KLRK1: variants seen among roughly 807,000 people sequenced by gnomAD.
KLRK1 encodes the protein killer cell lectin like receptor K1.
In KLRK1, 40 loss-of-function variants were observed where a neutral mutation model predicts 31.3. The observed-to-expected ratio is 1.28, with a 90% CI of 0.99 to 1.67. The LOEUF is 1.67. Among genes scored for constraint, KLRK1 ranks in the 40% most tolerant of loss-of-function variants. The pLI is 0.00. For missense variants in KLRK1, 251 were observed against 260.0 expected (o/e 0.97, Z 0.24); for synonymous variants, 77 against 77.3 (o/e 1.00, Z 0.02).
chr12:10,373,391 C>T (rs1862899211), intron 7 of KLRK1, among the ~76,000 whole-genome samples, 160 bp from the exon 8 acceptor site: 1 of 152,140 alleles, frequency 6.6e-6, no homozygotes, highest in Non-Finnish European at 1.5e-5. Context: ...ATAGCCAACT[C>T]AGATAATAAA....
chr12:10,378,535 A>AT lies in KLRK1; in HGVS notation c.429+18dup. The stretch of plus-strand genomic sequence containing the variant: ...GTTAGGATTAAATACAGGATGGGAA[A>AT]TTAAAATAAATACTCAACCTGGTCC... On this transcript the variant is annotated intron_variant, in intron 6 of 7. Coordinates refer to ENST00000240618, the MANE Select transcript of KLRK1 (RefSeq NM_007360.4). The AT allele has an allele frequency of 6.2e-7, 1 of 1,607,694 alleles. No individual in the cohort carries two copies. Among genetic ancestry groups the AT allele is most frequent in the Non-Finnish European group, 8.5e-7 (1 of 1,178,766 alleles).
At chr12:10,380,171 T>C (rs1175833954) in intron 3 of KLRK1, among the ~76,000 whole-genome samples, 4 of 147,008 alleles carry the variant, frequency 2.7e-5, no homozygotes, top group African/African-American at 1.0e-4. Context: ...GTTCACGCCA[T>C]TCTCCTGCCT....
At chr12:10,384,670 C>T (rs11053781) in intron 3 of KLRK1, among the ~76,000 whole-genome samples, 62,573 of 151,822 alleles carry the variant, frequency 0.41, 14,011 homozygotes, top group East Asian at 0.54. Context: ...AGAAACACCA[C>T]AGGACATTAG....
At chr12:10,384,866 C>A (rs1183919914) in intron 3 of KLRK1, among the ~76,000 whole-genome samples, 1 of 151,922 alleles carries the variant, frequency 6.6e-6, no homozygotes, top group Non-Finnish European at 1.5e-5. Flanking sequence ...AGACCAATAT[C>A]CAGAATATAC....
intron 7 of KLRK1, among the ~76,000 whole-genome samples, chr12:10,374,917 G>T (rs1171053022): frequency 6.6e-6 from 1 of 152,094 alleles, no homozygotes; most frequent in East Asian, 1.9e-4. Flanking sequence ...TTTACTACAT[G>T]CATAAACAGA....
intron 7 of KLRK1, 141 bp downstream of exon 7, chr12:10,377,991 T>A: frequency 1.3e-6 from 1 of 794,916 alleles, no homozygotes; most frequent in Non-Finnish European, 2.0e-6. Context: ...TTCTCCCAAA[T>A]TTAGGGCCTA....
chr12:10,380,456 T>C (rs1173670938), intron 3 of KLRK1, among the ~76,000 whole-genome samples: 1 of 152,146 alleles, frequency 6.6e-6, no homozygotes, highest in Non-Finnish European at 1.5e-5. Flanking sequence ...CAGCACTCAC[T>C]TCCACAAAGG....
At chr12:10,382,163 A>T (rs2137813457) in intron 3 of KLRK1, 1 of 152,384 alleles carries the variant, frequency 6.6e-6, no homozygotes, top group South Asian at 2.1e-4. Flanking sequence ...GCCCTGGCAC[A>T]GCACTGGTCT....
rs561019163 is a variant in KLRK1, at chr12:10,372,995, T to C, written c.*119A>G. 9 of 836,048 alleles carry C rather than the reference T, an allele frequency of 1.1e-5. No individual in the cohort carries two copies. The highest frequency in any genetic ancestry group is 1.7e-5 in the Non-Finnish European group (9 of 522,298). The allele number at this position is 836,048 out of a possible 1,614,324, so 51.8% of individuals were successfully genotyped here. ...TTGGTCCTGTGGAGTCTAAGAAATC[T>C]GACAGTCTTTGGTCATTTTGTCCTG... On this transcript the variant is annotated 3_prime_UTR_variant, in exon 8 of 8. Transcript: ENST00000240618.
At chr12:10,388,024 T>C (rs1390681812) in intron 2 of KLRK1, among the ~76,000 whole-genome samples, 2 of 152,216 alleles carry the variant, frequency 1.3e-5, no homozygotes, top group Non-Finnish European at 2.9e-5. Flanking sequence ...TTTAAACTTT[T>C]ATTTTTGGTT....
chr12:10,382,114 C>T (rs1863086468), intron 3 of KLRK1: 1 of 152,232 alleles, frequency 6.6e-6, no homozygotes, highest in African/African-American at 2.4e-5. Context: ...AAGAAAATTT[C>T]AGTGGTTGCA....
intron 5 of KLRK1, 198 bp from the exon 6 acceptor site, chr12:10,378,903 T>C (rs1863014268): frequency 1.4e-5 from 8 of 551,854 alleles, no homozygotes; most frequent in Non-Finnish European, 2.3e-5. Context: ...CCTGTAATCC[T>C]AGCACTTTGG....
At chr12:10,387,721 T>G (rs927670530) in intron 2 of KLRK1, among the ~76,000 whole-genome samples, 7 of 152,108 alleles carry the variant, frequency 4.6e-5, no homozygotes, top group Admixed American at 6.6e-5. Flanking sequence ...AATTTTTGTA[T>G]TTTTAGTACA....
In KLRK1 at chr12:10,378,571, A is replaced by G. The variant is rs1591580874; in HGVS notation, c.412T>C (p.Tyr138His). Reference sequence around the variant, plus strand: ...TACTCAACCTGGTCCTCTTTGCTGTATACTTTCAGAAGGCTGGCATTTTGA... The same window carrying G: ...TACTCAACCTGGTCCTCTTTGCTGTGTACTTTCAGAAGGCTGGCATTTTGA... ...MSQNASLLKV[Y>H]SKEDQDLLKL... Residue 138 changes from tyrosine to histidine, a missense_variant, in exon 6 of 8, where the codon TAC becomes CAC. Transcript: ENST00000240618. 2 of 1,612,530 alleles carry G rather than the reference A, an allele frequency of 1.2e-6. No homozygotes were observed. Among genetic ancestry groups the G allele is most frequent in the Non-Finnish European group, 8.5e-7 (1 of 1,179,720 alleles).
intron 2 of KLRK1, 102 bp from the exon 3 acceptor site, chr12:10,387,112 C>A (rs1018935406): frequency 2.7e-6 from 2 of 735,958 alleles, no homozygotes; most frequent in South Asian, 4.1e-5. Flanking sequence ...TGTACTTCCC[C>A]TGACTATCCT....
intron 3 of KLRK1, among the ~76,000 whole-genome samples, chr12:10,380,301 G>A (rs1033013755): frequency 1.3e-5 from 2 of 151,992 alleles, no homozygotes; most frequent in African/African-American, 4.8e-5. Flanking sequence ...TCCTGACCTC[G>A]TGATCCGCCC....
intron 3 of KLRK1, 148 bp downstream of exon 3, chr12:10,386,755 T>C: frequency 2.8e-6 from 1 of 354,000 alleles, no homozygotes. Flanking sequence ...AATTTTATTA[T>C]ATATTTTAAT....
intron 3 of KLRK1, among the ~76,000 whole-genome samples, chr12:10,383,097 T>A (rs1433061723): frequency 6.6e-6 from 1 of 152,004 alleles, no homozygotes; most frequent in African/African-American, 2.4e-5. Context: ...AAGGAAGACT[T>A]ACAAAACCAC....
intron 3 of KLRK1, among the ~76,000 whole-genome samples, chr12:10,380,270 TTAG>T (rs1863049511): frequency 6.6e-6 from 1 of 152,116 alleles, no homozygotes; most frequent in African/African-American, 2.4e-5. Context: ...TTTCACCGTG[TTAG>T]CCAGGACGGT....
Sources: allele counts gnomAD v4.1 joint callset (sites outside exome capture counted in the v4.1 genomes callset), GRCh38; gene constraint gnomAD v4.1.1; transcripts MANE v1.5; gene names NCBI Gene and HGNC (gene_info 2026-07-23, HGNC 2026-07-21).